SLMAP: variants seen among roughly 807,000 people sequenced by gnomAD.
The protein encoded by SLMAP is sarcolemmal membrane-associated protein.
In SLMAP, 44 loss-of-function variants were observed where a neutral mutation model predicts 128.8. The observed-to-expected ratio is 0.34, with a 90% confidence interval of 0.27 to 0.44. SLMAP has a LOEUF of 0.44. SLMAP is among the 20% of genes least tolerant of loss of function. The pLI is 1.00. For synonymous variants in SLMAP, 327 were observed against 348.8 expected, an observed-to-expected ratio of 0.94 and a Z score of 0.70; for missense variants, 787 against 985.3, an observed-to-expected ratio of 0.80 and a Z score of 2.69.
Position 57,768,229 on chromosome 3 carries a change from A to G in SLMAP, c.198+10380A>G, listed in dbSNP as rs144384779. 3.4e-4 allele frequency among the ~76,000 whole-genome samples: 52 copies of G among 152,268 alleles called. No individual in the cohort carries two copies. In the East Asian group the frequency reaches 7.9e-3, roughly 23 times the overall value. On this transcript the variant is annotated intron_variant, in intron 2 of 24. Coordinates refer to ENST00000671191, the MANE Select transcript of SLMAP (RefSeq NM_001377540.1). ...GTACTGTATCTTTTGTCAAGTATAC[A>G]ATTTGGGTTGGATTTTAAATTTAAG...
At chr3:57,841,534 T>G (rs753512715) in intron 4 of SLMAP, among the ~76,000 whole-genome samples, 163 bp downstream of exon 4, 10 of 152,286 alleles carry the variant, frequency 6.6e-5, no homozygotes, top group Non-Finnish European at 1.3e-4. Context: ...ACACTTCAGT[T>G]TAAATTGCTT....
intron 22 of SLMAP, chr3:57,917,521 T>C (rs756327545): frequency 3.4e-5 from 6 of 175,554 alleles, no homozygotes; most frequent in Non-Finnish European, 6.1e-5. Context: ...GCCAAACACA[T>C]GTTCTGTGGC....
At chr3:57,761,379 A>G (rs1299891517) in intron 2 of SLMAP, among the ~76,000 whole-genome samples, 4 of 151,850 alleles carry the variant, frequency 2.6e-5, no homozygotes, top group East Asian at 1.9e-4. Flanking sequence ...ACTGCAACCT[A>G]TACCTTCTGG....
At chr3:57,917,136 C>A (rs768094378) in intron 22 of SLMAP, 59 bp downstream of exon 22, 3 of 1,608,046 alleles carry the variant, frequency 1.9e-6, no homozygotes, top group East Asian at 2.3e-5. Flanking sequence ...AAAAGCAAAT[C>A]GGATATCCAT....
chr3:57,839,806 C>T (rs978678767), intron 3 of SLMAP, among the ~76,000 whole-genome samples: 4 of 151,734 alleles, frequency 2.6e-5, no homozygotes, highest in Non-Finnish European at 4.4e-5. Context: ...TGATCTGCCT[C>T]GGCCTCCCAA....
In SLMAP at chr3:57,777,093, T is replaced by C. The variant is rs114715774; in HGVS notation, c.198+19244T>C. 6.0e-3 allele frequency among the ~76,000 whole-genome samples: 766 copies of C among 127,106 alleles called. 11 individuals carry two copies. The highest frequency in any genetic ancestry group is 0.022 in the African/African-American group (740 of 33,322). 83.4% of individuals were successfully genotyped at this position (127,106 alleles called of 152,430 possible). ...TTATGGAAGTACTAGCGTAAGAAATTTGACTTTTTTTGGGGGGAGGGGGGA... is the reference window on the plus strand; with the variant it reads ...TTATGGAAGTACTAGCGTAAGAAATCTGACTTTTTTTGGGGGGAGGGGGGA... On this transcript the variant is annotated intron_variant, in intron 2 of 24. Coordinates refer to ENST00000671191, the MANE Select transcript of SLMAP (RefSeq NM_001377540.1).
intron 13 of SLMAP, among the ~76,000 whole-genome samples, chr3:57,867,353 A>T (rs888855851): frequency 1.3e-5 from 2 of 152,098 alleles, no homozygotes; most frequent in African/African-American, 4.8e-5. Context: ...TTACTGATTC[A>T]TTTTTTTCCA....
chr3:57,885,533 C>T (rs376187861), intron 14 of SLMAP, among the ~76,000 whole-genome samples: 20 of 149,014 alleles, frequency 1.3e-4, no homozygotes, highest in East Asian at 1.2e-3. Context: ...GATTCTCCTG[C>T]GTCAGCCTAC....
chr3:57,807,659 A>G (rs1168616059), intron 2 of SLMAP, among the ~76,000 whole-genome samples: 1 of 152,216 alleles, frequency 6.6e-6, no homozygotes, highest in Non-Finnish European at 1.5e-5. Flanking sequence ...CGTGGTGCAT[A>G]AGCTTTTTGA....
At position 57,805,179 on chromosome 3, in the gene SLMAP, T is replaced by C. The variant is rs113226172; in HGVS notation, c.199-26204T>C. Among the ~76,000 whole-genome samples, 499 of 152,288 alleles carry C rather than the reference T, an allele frequency of 3.3e-3. 3 individuals carry two copies. Among genetic ancestry groups the C allele is most frequent in the African/African-American group, 0.011 (467 of 41,568 alleles). ...ATGAAATTCCTTCAAGCATTTTTTT[T>C]CCCACTGGGTTTTCCTCAAATGTGT... On this transcript the variant is annotated intron_variant, in intron 2 of 24. Transcript: ENST00000671191.
rs2096632952 is a variant in SLMAP at position 57,909,132 on chromosome 3, C to G, written c.1681C>G (p.Gln561Glu). 3 of 1,608,976 alleles carry G rather than the reference C, an allele frequency of 1.9e-6. No homozygotes were observed. In the South Asian group the frequency reaches 3.3e-5, roughly 18 times the overall value. Reference sequence around the variant, plus strand: ...AAATCAAGTTGAGGAATCCACTAAACAAATACAGGTTCTTCAAGGTATGGA... The same window carrying G: ...AAATCAAGTTGAGGAATCCACTAAAGAAATACAGGTTCTTCAAGGTATGGA... ...YRNQVEESTK[Q>E]IQVLQAQLQR... The change falls in exon 19 of 25, where the codon CAA becomes GAA. Residue 561 changes from glutamine (Q) to glutamate (E), a missense_variant. This residue lies in a region of SLMAP where 715 missense variants were observed against 843.6 expected (regional missense o/e 0.85). Transcript: ENST00000671191.
intron 21 of SLMAP, among the ~76,000 whole-genome samples, chr3:57,916,257 T>G (rs2096809758): frequency 6.6e-6 from 1 of 152,164 alleles, no homozygotes; most frequent in South Asian, 2.1e-4. Flanking sequence ...GCACTGAGAC[T>G]CTGCTTGTGT....
intron 23 of SLMAP, 132 bp from the exon 24 acceptor site, chr3:57,925,713 G>A: frequency 1.5e-6 from 1 of 653,132 alleles, no homozygotes; most frequent in Non-Finnish European, 2.7e-6. Flanking sequence ...GTTTGAATCT[G>A]TGTAAAACCT....
intron 2 of SLMAP, among the ~76,000 whole-genome samples, chr3:57,769,248 A>C (rs2080330123): frequency 6.6e-6 from 1 of 151,780 alleles, no homozygotes; most frequent in Non-Finnish European, 1.5e-5. Context: ...GCTGGAGTGC[A>C]GTGGCGCGAT....
intron 2 of SLMAP, among the ~76,000 whole-genome samples, chr3:57,780,818 T>TA (rs1477534237): frequency 6.6e-6 from 1 of 151,458 alleles, no homozygotes; most frequent in East Asian, 1.9e-4. Flanking sequence ...TAATTTTTAA[T>TA]TTTTTTTAGA....
At chr3:57,855,781 C>T (rs921603202) in intron 6 of SLMAP, among the ~76,000 whole-genome samples, 1 of 150,580 alleles carries the variant, frequency 6.6e-6, no homozygotes, top group Non-Finnish European at 1.5e-5. Context: ...CGGGGACTCA[C>T]ACCTGTGATC....
chr3:57,872,655 T>G (rs981946845), intron 14 of SLMAP, among the ~76,000 whole-genome samples: 1 of 152,192 alleles, frequency 6.6e-6, no homozygotes, highest in African/African-American at 2.4e-5. Context: ...ATAAATTGGC[T>G]TTTGAAGTGA....
chr3:57,862,791 TAAA>T (rs905820335), intron 10 of SLMAP, among the ~76,000 whole-genome samples: 2 of 152,128 alleles, frequency 1.3e-5, no homozygotes, highest in Non-Finnish European at 2.9e-5. Flanking sequence ...AAGATTTCTA[TAAA>T]AAAAGATTTT....
intron 4 of SLMAP, among the ~76,000 whole-genome samples, chr3:57,842,260 G>A (rs1365677942): frequency 6.6e-6 from 1 of 152,064 alleles, no homozygotes; most frequent in Non-Finnish European, 1.5e-5. Context: ...CTTGTTAGAA[G>A]CCACATACTT....
Sources: gnomAD v4.1 joint callset for allele counts (sites outside exome capture counted in the v4.1 genomes callset) on GRCh38, gnomAD v4.1.1 for gene constraint, gnomAD v4.1.1 regional missense constraint, MANE v1.5 for transcripts, NCBI Gene and HGNC (gene_info 2026-07-23, HGNC 2026-07-21) for gene names.